The following XIRP1 variants were observed in gnomAD, a reference collection of about 807,000 sequenced individuals.
The protein encoded by XIRP1 is xin actin binding repeat containing 1, also known as xin actin-binding repeat-containing protein 1.
For synonymous variants in XIRP1, 984 were observed against 947.0 expected (o/e 1.04, Z -0.72); for missense variants, 2,378 against 2,345.4 (o/e 1.01, Z -0.29).
Position 39,187,543 on chromosome 3 carries a change from C to T in XIRP1, c.1903G>A (p.Val635Met). 6.2e-7 allele frequency: 1 copy of T among 1,614,102 alleles called. No homozygotes were observed. Among genetic ancestry groups the T allele is most frequent in the Non-Finnish European group, 8.5e-7 (1 of 1,180,042 alleles). The change falls in exon 2 of 2, where the codon GTG becomes ATG. Residue 635 changes from valine to methionine, a missense_variant. Val to Met is a conservative substitution (Grantham distance 21, BLOSUM62 1). Coordinates refer to ENST00000340369, the MANE Select transcript of XIRP1 (RefSeq NM_194293.4). ...SCTWMFKPQPVDRPVGSREQH... is the reference protein window; with the variant it reads ...SCTWMFKPQPMDRPVGSREQH... ...TCCCTGGAGCCCACTGGCCTGTCCACAGGTTGGGGCTTGAACATCCAGGTG... is the reference window on the plus strand; with the variant it reads ...TCCCTGGAGCCCACTGGCCTGTCCATAGGTTGGGGCTTGAACATCCAGGTG...
chr3:39,189,431 C>T lies in XIRP1; in HGVS notation c.15G>A (p.Gln5=). The T allele has an allele frequency of 5.0e-6, 8 of 1,591,932 alleles. No homozygotes were observed. Among genetic ancestry groups the T allele is most frequent in the Non-Finnish European group, 6.8e-6 (8 of 1,168,546 alleles). MADT[Q]TQVAPTPTMR... is the part of the protein sequence containing the mutation. ...TGGTTGGTGTGGGGGCCACCTGTGT[C>T]TGGGTGTCGGCCATCCTTCTGAGAA... Residue 5 remains glutamine, a synonymous_variant, in exon 2 of 2, where the codon CAG becomes CAA. Transcript: ENST00000340369.
At position 39,185,167 on chromosome 3, in the gene XIRP1, TGGG is replaced by T; in HGVS notation, c.4276_4278del (p.Pro1426del). 1 of 1,608,130 alleles carries T rather than the reference TGGG, an allele frequency of 6.2e-7. No homozygotes were observed. Among genetic ancestry groups the T allele is most frequent in the Non-Finnish European group, 8.5e-7 (1 of 1,176,780 alleles). The stretch of plus-strand genomic sequence containing the variant: ...GGATCATGGTTGAGGGCATTGAGCT[TGGG>T]GGGCTCAGAGCTCTGGGCATTGCTG... On this transcript the variant is annotated inframe_deletion, in exon 2 of 2. Coordinates refer to ENST00000340369, the MANE Select transcript of XIRP1 (RefSeq NM_194293.4).
rs778961489 is a variant in XIRP1 at position 39,188,477 on chromosome 3, C to G, written c.969G>C (p.Leu323Phe). ...ATGGCTGGAAGTCCTTCTCATCTACCAAGATCTCCCGGATGGCATCCAGGG... is the reference window on the plus strand; with the variant it reads ...ATGGCTGGAAGTCCTTCTCATCTACGAAGATCTCCCGGATGGCATCCAGGG... ...TQPLDAIREI[L>F]VDEKDFQPSP... Residue 323 changes from leucine to phenylalanine, a missense_variant, in exon 2 of 2, where the codon TTG becomes TTC. Leu to Phe is a conservative substitution (Grantham distance 22). Coordinates refer to ENST00000340369, the MANE Select transcript of XIRP1 (RefSeq NM_194293.4). 1.2e-6 allele frequency: 2 copies of G among 1,602,122 alleles called. No homozygotes were observed. Among genetic ancestry groups the G allele is most frequent in the Non-Finnish European group, 1.7e-6 (2 of 1,171,774 alleles).
rs2125901347 is a variant in XIRP1 at position 39,187,031 on chromosome 3, A to G, written c.2415T>C (p.Tyr805=). ...GCCCCTGCCCTGTGCCCGAGAGCAC[A>G]TACTTGGCAAGACAGAGCTCCCCTG... ...RGPGELCLAK[Y]VLSGTGQGHP... is the part of the protein sequence containing the mutation. Residue 805 remains tyrosine (Y), a synonymous_variant, in exon 2 of 2, where the codon TAT becomes TAC. Coordinates refer to ENST00000340369, the MANE Select transcript of XIRP1 (RefSeq NM_194293.4). 2 of 1,609,502 alleles carry G rather than the reference A, an allele frequency of 1.2e-6. No individual in the cohort carries two copies. The highest frequency in any genetic ancestry group is 4.5e-5 in the East Asian group (2 of 44,676).
In XIRP1 at chr3:39,188,606, G is replaced by C; in HGVS notation, c.840C>G (p.Ala280=). ...GCACCTGGCTGGGGTCCTGGTTGAT[G>C]GCGTCCAGAGGCCGGGTCTCAAAGA... ...RWLFETRPLD[A]INQDPSQVRV... Residue 280 remains alanine (A), a synonymous_variant, in exon 2 of 2, where the codon GCC becomes GCG. Transcript: ENST00000340369. 1 of 1,613,540 alleles carries C rather than the reference G, an allele frequency of 6.2e-7. No individual in the cohort carries two copies. Among genetic ancestry groups the C allele is most frequent in the Non-Finnish European group, 8.5e-7 (1 of 1,179,958 alleles).
At position 39,186,231 on chromosome 3, in the gene XIRP1, A is replaced by G; in HGVS notation, c.3215T>C (p.Val1072Ala). ...GGGGCCCTGCTTGTGCTTGTTCAGAACTTGCTGGTGCAGGCTCTGGGCTTC... is the reference window on the plus strand; with the variant it reads ...GGGGCCCTGCTTGTGCTTGTTCAGAGCTTGCTGGTGCAGGCTCTGGGCTTC... ...TAEAQSLHQQ[V>A]LNKHKQGPTP... The change falls in exon 2 of 2, where the codon GTT (valine) becomes GCT (alanine). Residue 1072 changes from valine (V) to alanine (A), a missense_variant. By Grantham distance (64) the Val-to-Ala change is moderately conservative. Coordinates refer to ENST00000340369, the MANE Select transcript of XIRP1 (RefSeq NM_194293.4). 2.5e-6 allele frequency: 4 copies of G among 1,613,730 alleles called. No individual in the cohort carries two copies. The highest frequency in any genetic ancestry group is 3.4e-6 in the Non-Finnish European group (4 of 1,179,900).
chr3:39,185,826 G>C lies in XIRP1; in HGVS notation c.3620C>G (p.Pro1207Arg), dbSNP rs768346401. 1.9e-6 allele frequency: 3 copies of C among 1,613,738 alleles called. No individual in the cohort carries two copies. The South Asian group carries it at 3.3e-5, about 18-fold the overall frequency. The change falls in exon 2 of 2, where the codon CCA (proline) becomes CGA (arginine). Residue 1207 changes from proline to arginine, a missense_variant. Transcript: ENST00000340369. The stretch of plus-strand genomic sequence containing the variant: ...GCAGACTTCTGCCATCGCCTTCCCT[G>C]GTGGCCCCCAGGCCATCTGTGTGCA... The part of the protein sequence containing the change: ...GGCTQMAWGP[P>R]GKAMAEVCPG...
intron 1 of XIRP1, among the ~76,000 whole-genome samples, chr3:39,191,186 T>G (rs1315255552): frequency 1.3e-5 from 2 of 152,190 alleles, no homozygotes; most frequent in Non-Finnish European, 2.9e-5. Context: ...GAATGTGAGC[T>G]CTGAAACCTG....
At position 39,187,341 on chromosome 3, in the gene XIRP1, G is replaced by C. The variant is rs767434099; in HGVS notation, c.2105C>G (p.Ala702Gly). The C allele has an allele frequency of 2.4e-5, 39 of 1,605,072 alleles. 1 individual carries two copies. Among genetic ancestry groups the C allele is most frequent in the Non-Finnish European group, 3.1e-5 (37 of 1,174,652 alleles). Residue 702 changes from alanine to glycine, a missense_variant, in exon 2 of 2, where the codon GCC becomes GGC. Transcript: ENST00000340369. Reference sequence around the variant, plus strand: ...TTCTTCCTTCTTGCCTGCCTCCAGGGCCTGAAAAACCTCTTTCTGACGAGA... The same window carrying C: ...TTCTTCCTTCTTGCCTGCCTCCAGGCCCTGAAAAACCTCTTTCTGACGAGA... ...QVSRQKEVFQ[A>G]LEAGKKEEQE...
Position 39,189,440 on chromosome 3 carries a change from G to A in XIRP1, c.6C>T (p.Ala2=), listed in dbSNP as rs755310715. The A allele has an allele frequency of 1.1e-5, 18 of 1,583,430 alleles. No individual in the cohort carries two copies. The highest frequency in any genetic ancestry group is 9.4e-5 in the African/African-American group (7 of 74,176). The change falls in exon 2 of 2, where the codon GCC becomes GCT. Residue 2 remains alanine (A), a synonymous_variant. Coordinates refer to ENST00000340369, the MANE Select transcript of XIRP1 (RefSeq NM_194293.4). M[A]DTQTQVAPTP... is the part of the protein sequence containing the mutation. ...TGGGGGCCACCTGTGTCTGGGTGTC[G>A]GCCATCCTTCTGAGAAGAAGGGGCA... is the stretch of plus-strand genomic sequence containing the variant.
Position 39,188,477 on chromosome 3 carries a change from C to T in XIRP1, c.969G>A (p.Leu323=), listed in dbSNP as rs778961489. ...ATGGCTGGAAGTCCTTCTCATCTAC[C>T]AAGATCTCCCGGATGGCATCCAGGG... The part of the protein sequence containing the change: ...TQPLDAIREI[L]VDEKDFQPSP... Residue 323 remains leucine, a synonymous_variant, in exon 2 of 2, where the codon TTG becomes TTA. Coordinates refer to ENST00000340369, the MANE Select transcript of XIRP1 (RefSeq NM_194293.4). 1.2e-6 allele frequency: 2 copies of T among 1,602,122 alleles called. No individual in the cohort carries two copies. The highest frequency in any genetic ancestry group is 2.2e-5 in the South Asian group (2 of 90,132).
In XIRP1 at chr3:39,185,522, C is replaced by T. The variant is rs2039950958; in HGVS notation, c.3924G>A (p.Gln1308=). 1.3e-6 allele frequency: 2 copies of T among 1,558,028 alleles called. No individual in the cohort carries two copies. Among genetic ancestry groups the T allele is most frequent in the African/African-American group, 1.4e-5 (1 of 72,952 alleles). ...TGGGGTCCAGTTTTGGGGTCTTTGT[C>T]TGTGACCCTCCAGGGGTTCTCTGGC... is the stretch of plus-strand genomic sequence containing the variant. ...PAGQRTPGGS[Q]TKTPKLDPTM... is the part of the protein sequence containing the mutation. Residue 1308 remains glutamine, a synonymous_variant, in exon 2 of 2, where the codon CAG becomes CAA. Coordinates refer to ENST00000340369, the MANE Select transcript of XIRP1 (RefSeq NM_194293.4).
chr3:39,186,923 G>T lies in XIRP1; in HGVS notation c.2523C>A (p.Asp841Glu). 2 of 1,613,956 alleles carry T rather than the reference G, an allele frequency of 1.2e-6. No homozygotes were observed. Among genetic ancestry groups the T allele is most frequent in the Non-Finnish European group, 1.7e-6 (2 of 1,179,878 alleles). Residue 841 changes from aspartate (D) to glutamate (E), a missense_variant, in exon 2 of 2, where the codon GAC (aspartate) becomes GAA (glutamate). By Grantham distance (45) the Asp-to-Glu change is conservative (BLOSUM62 2). Coordinates refer to ENST00000340369, the MANE Select transcript of XIRP1 (RefSeq NM_194293.4). ...ICQVLRRPDV[D>E]QQGLLVQEDP... ...CTTCCTGCACCAGCAGCCCCTGCTG[G>T]TCCACATCTGGCCGGCGCAGGACTT...
At position 39,186,448 on chromosome 3, in the gene XIRP1, T is replaced by C; in HGVS notation, c.2998A>G (p.Lys1000Glu). ...ATPCPPQAIG[K>E]AVPLAGEAAA... ...GCTTCCCCAGCCAGAGGGACTGCCTTTCCAATGGCCTGAGGAGGGCAAGGG... is the reference window on the plus strand; with the variant it reads ...GCTTCCCCAGCCAGAGGGACTGCCTCTCCAATGGCCTGAGGAGGGCAAGGG... Residue 1000 changes from lysine (K) to glutamate (E), a missense_variant, in exon 2 of 2, where the codon AAG becomes GAG. Physicochemically the swap from Lys to Glu is moderately conservative, Grantham distance 56. Coordinates refer to ENST00000340369, the MANE Select transcript of XIRP1 (RefSeq NM_194293.4). The C allele has an allele frequency of 6.2e-7, 1 of 1,614,166 alleles. No individual in the cohort carries two copies.
Position 39,185,824 on chromosome 3 carries a change from C to A in XIRP1, c.3622G>T (p.Gly1208Trp). The A allele has an allele frequency of 6.2e-6, 10 of 1,613,716 alleles. No individual in the cohort carries two copies. Among genetic ancestry groups the A allele is most frequent in the Non-Finnish European group, 8.5e-6 (10 of 1,179,866 alleles). ...GGGCAGACTTCTGCCATCGCCTTCC[C>A]TGGTGGCCCCCAGGCCATCTGTGTG... ...GCTQMAWGPP[G>W]KAMAEVCPGG... The change falls in exon 2 of 2, where the codon GGG becomes TGG. Residue 1208 changes from glycine (G) to tryptophan (W), a missense_variant. Gly to Trp is a radical substitution (Grantham distance 184). Transcript: ENST00000340369.
In XIRP1 at chr3:39,186,760, C is replaced by T; in HGVS notation, c.2686G>A (p.Val896Met). ...LGTSVARTGLVMQETEQGLVA... is the reference protein window; with the variant it reads ...LGTSVARTGLMMQETEQGLVA... ...AGGCCCTGCTCTGTCTCCTGCATCA[C>T]CAGCCCAGTCCTTGCCACGGAGGTC... Residue 896 changes from valine to methionine, a missense_variant, in exon 2 of 2, where the codon GTG (valine) becomes ATG (methionine). By Grantham distance (21) the Val-to-Met change is conservative (BLOSUM62 1). Transcript: ENST00000340369. 1 of 1,614,062 alleles carries T rather than the reference C, an allele frequency of 6.2e-7. No individual in the cohort carries two copies. The highest frequency in any genetic ancestry group is 8.5e-7 in the Non-Finnish European group (1 of 1,180,040).
chr3:39,185,962 T>C lies in XIRP1; in HGVS notation c.3484A>G (p.Arg1162Gly), dbSNP rs2039961589. 1 of 1,613,992 alleles carries C rather than the reference T, an allele frequency of 6.2e-7. No homozygotes were observed. Among genetic ancestry groups the C allele is most frequent in the East Asian group, 2.2e-5 (1 of 44,896 alleles). The change falls in exon 2 of 2, where the codon AGG becomes GGG. Residue 1162 changes from arginine to glycine, a missense_variant. By Grantham distance (125) the Arg-to-Gly change is moderately radical (BLOSUM62 -2). Coordinates refer to ENST00000340369, the MANE Select transcript of XIRP1 (RefSeq NM_194293.4). The stretch of plus-strand genomic sequence containing the variant: ...TCCCTGTGCCTTGACTGGGGTTCCC[T>C]CTGAGAAAGCTGGACACCCCCAGGT... ...DPPGGVQLSQ[R>G]EPQSRHRETA...
rs142529698 is a variant in XIRP1, at chr3:39,189,339, G to A, written c.107C>T (p.Pro36Leu). 51 of 1,613,070 alleles carry A rather than the reference G, an allele frequency of 3.2e-5. 1 individual carries two copies. The highest frequency in any genetic ancestry group is 1.1e-4 in the South Asian group (10 of 91,066). ...PPPALEDLPL[P>L]PPKESFSKFH... ...CTTGGAGAAGGATTCCTTGGGTGGC[G>A]GCAGTGGCAGGTCCTCCAGGGCTGG... The change falls in exon 2 of 2, where the codon CCG (proline) becomes CTG (leucine). Residue 36 changes from proline (P) to leucine (L), a missense_variant. Physicochemically the swap from Pro to Leu is moderately conservative, Grantham distance 98 (BLOSUM62 -3). Transcript: ENST00000340369.
chr3:39,183,695 C>G lies in XIRP1; in HGVS notation c.*219G>C, dbSNP rs981190798. On this transcript the variant is annotated 3_prime_UTR_variant, in exon 2 of 2. Transcript: ENST00000340369. ...GGGAGCCCCCATCCTACCCCCACGCCTGTGCAACTCTGTGGGCCTCTTCCA... is the reference window on the plus strand; with the variant it reads ...GGGAGCCCCCATCCTACCCCCACGCGTGTGCAACTCTGTGGGCCTCTTCCA... 8.1e-6 allele frequency: 6 copies of G among 739,432 alleles called. No individual in the cohort carries two copies. In the East Asian group the frequency reaches 1.7e-4, roughly 21 times the overall value. The allele number at this position is 739,432 out of a possible 1,614,324, so 45.8% of individuals were successfully genotyped here. A position where few individuals can be genotyped will look rare whatever the true frequency, so the allele number is the denominator to read the frequency against.
Sources: gnomAD v4.1 joint callset for allele counts (sites outside exome capture counted in the v4.1 genomes callset) on GRCh38, gnomAD v4.1.1 for gene constraint, MANE v1.5 for transcripts, NCBI Gene and HGNC (gene_info 2026-07-23, HGNC 2026-07-21) for gene names.